GSTCD: variants seen among roughly 807,000 people sequenced by gnomAD.
The protein encoded by GSTCD is glutathione S-transferase C-terminal domain containing, also known as glutathione S-transferase C-terminal domain-containing protein.
Under a neutral mutation model 68.3 loss-of-function variants are expected in GSTCD, and 44 were observed. The ratio of observed to expected loss-of-function variants is 0.64; its 90% CI spans 0.51 to 0.83. The LOEUF (loss-of-function observed/expected upper bound fraction) is 0.83, where lower values mean the gene tolerates loss of function less well. Among genes scored for constraint, GSTCD ranks in the 40% least tolerant of loss-of-function variants. The pLI, the probability that GSTCD is intolerant of heterozygous loss-of-function variation, is 0.00. For synonymous variants in GSTCD, 273 were observed against 255.2 expected (o/e 1.07, Z -0.67); for missense variants, 739 against 735.9 (o/e 1.00, Z -0.05).
At chr4:105,728,686 G>GAT (rs143030973) in intron 4 of GSTCD, among the ~76,000 whole-genome samples, 10,979 of 40,624 alleles carry the variant, frequency 0.27, 1,365 homozygotes, top group African/African-American at 0.42. Flanking sequence ...TAGATATATA[G>GAT]ATATAGATAT....
intron 5 of GSTCD, among the ~76,000 whole-genome samples, chr4:105,791,392 CAAAAAAA>C (rs56388145): frequency 1.2e-4 from 7 of 57,322 alleles, no homozygotes; most frequent in African/African-American, 1.9e-4. Flanking sequence ...GACTCCGTCT[CAAAAAAA>C]AAAAAAAAAA....
rs778300033 is a variant in GSTCD at position 105,823,246 on chromosome 4, G to A, written c.1372G>A (p.Val458Ile). 2 of 1,613,840 alleles carry A rather than the reference G, an allele frequency of 1.2e-6. No homozygotes were observed. Among genetic ancestry groups the A allele is most frequent in the Non-Finnish European group, 1.7e-6 (2 of 1,179,782 alleles). ...FCSGGGHVGI[V>I]LAHMLPSCQV... The stretch of plus-strand genomic sequence containing the variant: ...ACTTTTTCAGGGCCATGTTGGAATT[G>A]TCCTTGCTCACATGCTGCCATCATG... Residue 458 changes from valine (V) to isoleucine (I), a missense_variant, in exon 7 of 12, where the codon GTC becomes ATC. Val to Ile is a conservative substitution (Grantham distance 29). Transcript: ENST00000515279.
intron 5 of GSTCD, among the ~76,000 whole-genome samples, chr4:105,744,279 A>G (rs1733731574): frequency 6.6e-6 from 1 of 152,200 alleles, no homozygotes; most frequent in Admixed American, 6.5e-5. Flanking sequence ...ACATTATGTC[A>G]GATTGCACAC....
chr4:105,746,185 A>G (rs1287669335), intron 5 of GSTCD: 1 of 152,190 alleles, frequency 6.6e-6, no homozygotes. Flanking sequence ...ATTGACACAT[A>G]TTTTATATGT....
At chr4:105,758,939 G>T (rs1259694618) in intron 5 of GSTCD, among the ~76,000 whole-genome samples, 1 of 151,926 alleles carries the variant, frequency 6.6e-6, no homozygotes, top group Admixed American at 6.6e-5. Context: ...GCAGGTATTT[G>T]GTTTAATATC....
intron 5 of GSTCD, among the ~76,000 whole-genome samples, chr4:105,790,301 TTTACA>T (rs1170013337): frequency 1.3e-5 from 2 of 152,052 alleles, no homozygotes; most frequent in Non-Finnish European, 2.9e-5. Context: ...CCTTACATAA[TTTACA>T]TTATGATTCA....
At chr4:105,826,189 C>G (rs1009528637) in intron 8 of GSTCD, 1 of 152,260 alleles carries the variant, frequency 6.6e-6, no homozygotes, top group African/African-American at 2.4e-5. Flanking sequence ...TTAGTAATCT[C>G]TAAATACAAG....
rs1732724095 is a variant in GSTCD, at chr4:105,717,703, T to A, written c.90T>A (p.His30Gln). The A allele has an allele frequency of 6.2e-7, 1 of 1,613,476 alleles. No individual in the cohort carries two copies. The highest frequency in any genetic ancestry group is 1.7e-4 in the Middle Eastern group (1 of 6,060). The change falls in exon 2 of 12, where the codon CAT becomes CAA. Residue 30 changes from histidine (H) to glutamine (Q), a missense_variant. Physicochemically the swap from His to Gln is conservative, Grantham distance 24 (BLOSUM62 0). Coordinates refer to ENST00000515279, the MANE Select transcript of GSTCD (RefSeq NM_001370181.1). ...CAGAAGGATGCATCTTTCCTCTTCA[T>A]ACATCTGTAACTTTATTTCTGTTAT... is the stretch of plus-strand genomic sequence containing the variant. ...HQTEGCIFPL[H>Q]TSVTLFLLSY...
rs546204560 is a variant in GSTCD at position 105,734,664 on chromosome 4, CCTT to C, written c.1240+5172_1240+5174del. Among the ~76,000 whole-genome samples, 58 of 152,280 alleles carry C rather than the reference CCTT, an allele frequency of 3.8e-4. No individual in the cohort carries two copies. The South Asian group carries it at 0.011, about 29-fold the overall frequency. On this transcript the variant is annotated intron_variant, in intron 5 of 11. Transcript: ENST00000515279. ...CTCAGAGAAGTTTGATTGTCTGAAGCCTTCTTCTTTCAACTCGTCAAAGTCATT... is the reference window on the plus strand; with the variant it reads ...CTCAGAGAAGTTTGATTGTCTGAAGCCTTCTTTCAACTCGTCAAAGTCATT...
intron 7 of GSTCD, among the ~76,000 whole-genome samples, chr4:105,825,211 C>T (rs1187495152): frequency 2.0e-5 from 3 of 152,054 alleles, no homozygotes; most frequent in Non-Finnish European, 2.9e-5. Context: ...CTCACTATAA[C>T]CTCTGCTTCC....
At chr4:105,747,487 G>A (rs559916918) in intron 5 of GSTCD, among the ~76,000 whole-genome samples, 2 of 152,180 alleles carry the variant, frequency 1.3e-5, no homozygotes, top group Non-Finnish European at 2.9e-5. Context: ...ATTACCCTAG[G>A]GAACCAATAT....
chr4:105,775,461 G>C lies in GSTCD; in HGVS notation c.1240+45962G>C, dbSNP rs764755461. ...TTGGAATTTATAGGCTTTTGGCACT[G>C]GTTTTTCATCATCTTCGTGGATTTA... On this transcript the variant is annotated intron_variant, in intron 5 of 11. Transcript: ENST00000515279. Among the ~76,000 whole-genome samples the C allele has an allele frequency of 3.5e-4, 54 of 152,274 alleles. 3 individuals carry two copies. The highest frequency in any genetic ancestry group is 1.3e-4 in the Non-Finnish European group (9 of 68,008).
At chr4:105,818,957 T>G (rs757146821) in intron 5 of GSTCD, among the ~76,000 whole-genome samples, 1 of 151,760 alleles carries the variant, frequency 6.6e-6, no homozygotes, top group Non-Finnish European at 1.5e-5. Flanking sequence ...ATATACTATA[T>G]CCAGAATAAA....
At chr4:105,818,384 G>A (rs1723110720) in intron 5 of GSTCD, among the ~76,000 whole-genome samples, 1 of 151,852 alleles carries the variant, frequency 6.6e-6, no homozygotes, top group South Asian at 2.1e-4. Flanking sequence ...AAGGAGATAG[G>A]TTTTAAGCAA....
At position 105,760,293 on chromosome 4, in the gene GSTCD, C is replaced by T. The variant is rs180825430; in HGVS notation, c.1240+30794C>T. Among the ~76,000 whole-genome samples, 700 of 152,172 alleles carry T rather than the reference C, an allele frequency of 4.6e-3. 7 individuals are homozygous for T. The highest frequency in any genetic ancestry group is 0.027 in the Middle Eastern group (8 of 292). On this transcript the variant is annotated intron_variant, in intron 5 of 11. Transcript: ENST00000515279. ...TAAACTGTGGGAGAATCTGCTTCAGCCGCAGGGTTTTTCTATTTGGAAGCC... is the reference window on the plus strand; with the variant it reads ...TAAACTGTGGGAGAATCTGCTTCAGTCGCAGGGTTTTTCTATTTGGAAGCC...
intron 5 of GSTCD, among the ~76,000 whole-genome samples, chr4:105,751,005 C>T (rs1445427075): frequency 6.6e-6 from 1 of 151,982 alleles, no homozygotes; most frequent in African/African-American, 2.4e-5. Flanking sequence ...GCAAAGTGTC[C>T]CTTGTGGAGA....
chr4:105,721,795 C>T (rs1732865447), intron 3 of GSTCD, among the ~76,000 whole-genome samples: 1 of 151,922 alleles, frequency 6.6e-6, no homozygotes, highest in Non-Finnish European at 1.5e-5. Context: ...AGGAAAGGGG[C>T]CTGACGATAC....
intron 10 of GSTCD, among the ~76,000 whole-genome samples, chr4:105,839,132 C>T (rs536351382): frequency 8.1e-4 from 124 of 152,256 alleles, no homozygotes; most frequent in Non-Finnish European, 1.4e-3. Flanking sequence ...CAAATATGCA[C>T]AGATATGGAA....
intron 5 of GSTCD, among the ~76,000 whole-genome samples, chr4:105,793,734 G>C (rs1237276124): frequency 6.6e-6 from 1 of 151,802 alleles, no homozygotes; most frequent in Non-Finnish European, 1.5e-5. Flanking sequence ...CAAGATCTAA[G>C]TCCCTTTTCC....
Sources: allele counts gnomAD v4.1 joint callset (sites outside exome capture counted in the v4.1 genomes callset), GRCh38; gene constraint gnomAD v4.1.1; transcripts MANE v1.5; gene names NCBI Gene and HGNC (gene_info 2026-07-23, HGNC 2026-07-21).